Variants in ATP2A3 observed in about 807,000 individuals in gnomAD.
The protein encoded by ATP2A3 is sarcoplasmic/endoplasmic reticulum calcium ATPase 3.
ATP2A3 carries 61 observed loss-of-function variants against 106.8 expected under a neutral mutation model. The observed-to-expected ratio is 0.57, with a 90% CI of 0.46 to 0.71. ATP2A3 has a LOEUF of 0.71. Among genes scored for constraint, ATP2A3 ranks in the 30% least tolerant of loss-of-function variants. ATP2A3 has a pLI of 0.00. For synonymous variants in ATP2A3, 611 were observed against 609.3 expected (o/e 1.00, Z -0.04); for missense variants, 1,201 against 1,423.5 (o/e 0.84, Z 2.52).
chr17:3,955,935 G>A lies in ATP2A3; in HGVS notation c.119-2225C>T, dbSNP rs1421341251. 1.3e-5 allele frequency among the ~76,000 whole-genome samples: 2 copies of A among 151,274 alleles called. No homozygotes were observed. The highest frequency in any genetic ancestry group is 2.9e-5 in the Non-Finnish European group (2 of 67,876). Reference sequence around the variant, plus strand: ...CTTGCTCTCTCGCCCAGGCTGGAGCGCAGTGGCGGGATCTTGGCTTACTGC... The same window carrying A: ...CTTGCTCTCTCGCCCAGGCTGGAGCACAGTGGCGGGATCTTGGCTTACTGC... On this transcript the variant is annotated intron_variant, in intron 1 of 20. Transcript: ENST00000397041. The surrounding 1 kb of genome is among the most constrained non-coding windows in gnomAD (Gnocchi z 4.2).
Position 3,941,590 on chromosome 17 carries a change from A to G in ATP2A3, c.1610T>C (p.Leu537Pro), listed in dbSNP as rs1449273127. Residue 537 changes from leucine (L) to proline (P), a missense_variant, in exon 13 of 21, where the codon CTG (leucine) becomes CCG (proline). By Grantham distance (98) the Leu-to-Pro change is moderately conservative. Coordinates refer to ENST00000397041, the MANE Select transcript of ATP2A3 (RefSeq NM_005173.4). ...GATCTGCTCCCTGGAGGTGGGGGTC[A>G]GGGGTGCTGTGCGGCTCCCCACGCG... is the stretch of plus-strand genomic sequence containing the variant. The part of the protein sequence containing the change: ...SVRVGSRTAP[L>P]TPTSREQILA... 1.9e-6 allele frequency: 3 copies of G among 1,612,968 alleles called. No homozygotes were observed.
In ATP2A3 at chr17:3,944,633, T is replaced by C. The variant is rs1314932100; in HGVS notation, c.1287+71A>G. ...GCAAGGGCTGCCAACCCTGGGAGCT[T>C]TGAGGCTGGGAAAAGGGTCTGTCCT... On this transcript the variant is annotated intron_variant, in intron 10 of 20. Transcript: ENST00000397041. 8 of 1,523,832 alleles carry C rather than the reference T, an allele frequency of 5.2e-6. No homozygotes were observed. The East Asian group carries it at 9.4e-5, about 18-fold the overall frequency. 94.4% of individuals were successfully genotyped at this position (1,523,832 alleles called of 1,614,324 possible).
At chr17:3,962,663 C>G (rs1255579280) in intron 1 of ATP2A3, among the ~76,000 whole-genome samples, 2 of 152,180 alleles carry the variant, frequency 1.3e-5, no homozygotes, top group Non-Finnish European at 2.9e-5. Context: ...GGGGCTCCCT[C>G]CCTCCCAGTC....
At chr17:3,958,957 T>TCTTG (rs2054987301) in intron 1 of ATP2A3, among the ~76,000 whole-genome samples, 1 of 150,754 alleles carries the variant, frequency 6.6e-6, no homozygotes, top group South Asian at 2.1e-4. Context: ...GGTGGTGCAA[T>TCTTG]CTTGGTTCAC....
At chr17:3,931,261 G>C (rs1567679962) in intron 17 of ATP2A3, among the ~76,000 whole-genome samples, 2 of 152,132 alleles carry the variant, frequency 1.3e-5, no homozygotes. Flanking sequence ...AGGTGCAGCT[G>C]TAACAGGTAG....
chr17:3,964,088 G>A (rs2144821688), intron 1 of ATP2A3, 86 bp downstream of exon 1: 1 of 746,798 alleles, frequency 1.3e-6, no homozygotes, highest in Non-Finnish European at 1.7e-6. Context: ...TGCCCGCCCA[G>A]AGCCGGGTGG....
In ATP2A3 at chr17:3,937,511, G is replaced by A. The variant is rs2053519976; in HGVS notation, c.2226C>T (p.Ser742=). ...GGCCCTCCTCCACCGCAGCCACGAT[G>A]GAGGCAAAGTTGTCATCTGACAGCA... is the stretch of plus-strand genomic sequence containing the variant. ...EMVLSDDNFA[S]IVAAVEEGRA... is the part of the protein sequence containing the mutation. The change falls in exon 15 of 21, where the codon TCC becomes TCT. Residue 742 remains serine (S), a synonymous_variant. Transcript: ENST00000397041. 3 of 1,614,040 alleles carry A rather than the reference G, an allele frequency of 1.9e-6. No individual in the cohort carries two copies. The highest frequency in any genetic ancestry group is 2.5e-6 in the Non-Finnish European group (3 of 1,180,024).
At chr17:3,950,329 T>A (rs2054343175) in intron 7 of ATP2A3, among the ~76,000 whole-genome samples, 182 bp downstream of exon 7, 2 of 151,390 alleles carry the variant, frequency 1.3e-5, no homozygotes, top group Non-Finnish European at 2.9e-5. Flanking sequence ...CCCCAGCTAA[T>A]CTTTTTGTAT....
chr17:3,951,562 C>T lies in ATP2A3; in HGVS notation c.324+19G>A. 1 of 1,486,974 alleles carries T rather than the reference C, an allele frequency of 6.7e-7. No homozygotes were observed. Among genetic ancestry groups the T allele is most frequent in the Non-Finnish European group, 9.2e-7 (1 of 1,088,798 alleles). The allele number at this position is 1,486,974 out of a possible 1,614,324, so 92.1% of individuals were successfully genotyped here. The stretch of plus-strand genomic sequence containing the variant: ...TGGGAGACCGCCCCCCGCCCGGTCC[C>T]ACCCCCAGTGCCTCCCACCTGCCAC... On this transcript the variant is annotated intron_variant, in intron 4 of 20. Transcript: ENST00000397041.
chr17:3,929,813 G>A lies in ATP2A3; in HGVS notation c.2745-368C>T, dbSNP rs1275425192. 6.8e-6 allele frequency among the ~76,000 whole-genome samples: 1 copy of A among 146,586 alleles called. No homozygotes were observed. Among genetic ancestry groups the A allele is most frequent in the African/African-American group, 2.6e-5 (1 of 39,084 alleles). On this transcript the variant is annotated intron_variant, in intron 18 of 20. Transcript: ENST00000397041. This position sits in a 1 kb window ranked among gnomAD's most constrained non-coding sequence, Gnocchi z 4.3. ...TAATCCTGGACCCCGCTTGGCCCCAGACCTTTGTTCTGGACCCCTCTAACT... is the reference window on the plus strand; with the variant it reads ...TAATCCTGGACCCCGCTTGGCCCCAAACCTTTGTTCTGGACCCCTCTAACT...
rs1386810886 is a variant in ATP2A3 at position 3,923,984 on chromosome 17, A to G, written c.*1438T>C. On this transcript the variant is annotated 3_prime_UTR_variant, in exon 21 of 21. Transcript: ENST00000397041. ...CCTCCCCCCAGGAAAGAAGCAGAGA[A>G]TCTCTGCAGGCACCAGACTCCCTGC... 1 of 152,244 alleles carries G rather than the reference A, an allele frequency of 6.6e-6. No individual in the cohort carries two copies. Among genetic ancestry groups the G allele is most frequent in the African/African-American group, 2.4e-5 (1 of 41,434 alleles). The allele number at this position is 152,244 out of a possible 1,614,324, so 9.4% of individuals were successfully genotyped here.
rs545740923 is a variant in ATP2A3 at position 3,943,349 on chromosome 17, C to T, written c.1419+42G>A. On this transcript the variant is annotated intron_variant, in intron 11 of 20. Coordinates refer to ENST00000397041, the MANE Select transcript of ATP2A3 (RefSeq NM_005173.4). ...GCCTTCTCCAGATGTCCCAGAAGCC[C>T]CAGCCATGCAGCCGGAGGCCTGAGC... is the stretch of plus-strand genomic sequence containing the variant. The T allele has an allele frequency of 8.4e-5, 135 of 1,611,194 alleles. 1 individual carries two copies. In the South Asian group the frequency reaches 1.4e-3, roughly 17 times the overall value.
In ATP2A3 at chr17:3,935,373, G is replaced by A. The variant is rs370457154; in HGVS notation, c.2525-96C>T. 161 of 1,204,316 alleles carry A rather than the reference G, an allele frequency of 1.3e-4. 1 individual carries two copies. The Middle Eastern group carries it at 5.5e-3, about 41-fold the overall frequency. The allele number at this position is 1,204,316 out of a possible 1,614,324, so 74.6% of individuals were successfully genotyped here. A position where few individuals can be genotyped will look rare whatever the true frequency, so the allele number is the denominator to read the frequency against. ...TAATTCCCTGAATTCCCTGCAGGGA[G>A]CCACCCTTTTCCTCTCTCAGCCCTG... On this transcript the variant is annotated intron_variant, in intron 16 of 20. Transcript: ENST00000397041.
At chr17:3,944,435 C>T (rs1054296668) in intron 10 of ATP2A3, among the ~76,000 whole-genome samples, 4 of 152,128 alleles carry the variant, frequency 2.6e-5, no homozygotes, top group African/African-American at 9.7e-5. Context: ...GTCCTGTTCC[C>T]CAAATCTCTT....
chr17:3,961,975 G>A (rs2055163770), intron 1 of ATP2A3, among the ~76,000 whole-genome samples: 1 of 152,180 alleles, frequency 6.6e-6, no homozygotes, highest in African/African-American at 2.4e-5. Context: ...TCCTCCTCAA[G>A]CCATGGCAAG....
At chr17:3,939,008 A>G (rs1159530614) in intron 14 of ATP2A3, among the ~76,000 whole-genome samples, 1 of 152,166 alleles carries the variant, frequency 6.6e-6, no homozygotes, top group Non-Finnish European at 1.5e-5. Context: ...CTCTACAAAA[A>G]ATTAAAAAAT....
rs1597572028 is a variant in ATP2A3 at position 3,930,509 on chromosome 17, A to G, written c.2611-75T>C. ...TGGTGGGTGGGAGGAGGGAAGCCTC[A>G]TCCTGCCCTTGGCCCACGCCTGGGC... On this transcript the variant is annotated intron_variant, in intron 17 of 20. Transcript: ENST00000397041. This position sits in a 1 kb window ranked among gnomAD's most constrained non-coding sequence, Gnocchi z 5.4. 1 of 1,589,176 alleles carries G rather than the reference A, an allele frequency of 6.3e-7. No homozygotes were observed. Among genetic ancestry groups the G allele is most frequent in the Non-Finnish European group, 8.6e-7 (1 of 1,168,344 alleles).
At position 3,928,091 on chromosome 17, in the gene ATP2A3, G is replaced by A. The variant is rs2052815284; in HGVS notation, c.2980+572C>T. On this transcript the variant is annotated intron_variant, in intron 20 of 20. Transcript: ENST00000397041. The surrounding 1 kb of genome is among the most constrained non-coding windows in gnomAD (Gnocchi z 6.1). ...AGAGCCCACCTGGCAGAGGCAGGTG[G>A]ATGGACCCCATGTCCCAGCCCACTT... The A allele has an allele frequency of 6.2e-7, 1 of 1,610,400 alleles. No individual in the cohort carries two copies. Among genetic ancestry groups the A allele is most frequent in the South Asian group, 1.1e-5 (1 of 91,008 alleles).
At chr17:3,942,846 C>T (rs563159418) in intron 11 of ATP2A3, 115 bp from the exon 12 acceptor site, 11 of 1,495,604 alleles carry the variant, frequency 7.4e-6, no homozygotes, top group East Asian at 2.3e-5. Flanking sequence ...ATGACATCTA[C>T]ACTCCTCTGA....
Sources: gnomAD v4.1 joint callset for allele counts (sites outside exome capture counted in the v4.1 genomes callset) on GRCh38, gnomAD v4.1.1 for gene constraint, Gnocchi (gnomAD v3.1) non-coding constraint, MANE v1.5 for transcripts, NCBI Gene and HGNC (gene_info 2026-07-23, HGNC 2026-07-21) for gene names.